GUCY2C: variants seen among roughly 807,000 people sequenced by gnomAD.
GUCY2C encodes guanylyl cyclase C.
A neutral mutation model predicts 131.1 loss-of-function variants in GUCY2C; 118 were observed. The ratio of observed to expected loss-of-function variants is 0.90; its 90% CI spans 0.78 to 1.05. The LOEUF (loss-of-function observed/expected upper bound fraction) is 1.05, where lower values mean the gene tolerates loss of function less well. GUCY2C is among the 50% of genes least tolerant of loss of function. The pLI, the probability that GUCY2C is intolerant of heterozygous loss-of-function variation, is 0.00. For missense variants in GUCY2C, 1,161 were observed against 1,304.4 expected (o/e 0.89, Z 1.69); for synonymous variants, 452 against 457.8 (o/e 0.99, Z 0.16).
chr12:14,657,899 G>T (rs1947793827), intron 11 of GUCY2C, among the ~76,000 whole-genome samples: 1 of 152,150 alleles, frequency 6.6e-6, no homozygotes, highest in Non-Finnish European at 1.5e-5. Context: ...GCTTCCCAAA[G>T]CAGTAGTTAT....
chr12:14,674,112 A>T (rs1454639415), intron 8 of GUCY2C, among the ~76,000 whole-genome samples: 2 of 152,236 alleles, frequency 1.3e-5, no homozygotes, highest in East Asian at 3.8e-4. Context: ...GATCTGGGAA[A>T]CGAAAGATGG....
At chr12:14,684,609 C>CTT in intron 3 of GUCY2C, among the ~76,000 whole-genome samples, 1 of 9,654 alleles carries the variant, frequency 1.0e-4, no homozygotes, top group African/African-American at 4.1e-4. Context: ...TCCTTCCTTC[C>CTT]TTCCTTCCTT....
chr12:14,642,787 A>T (rs1378721565), intron 17 of GUCY2C, among the ~76,000 whole-genome samples: 2 of 152,182 alleles, frequency 1.3e-5, no homozygotes, highest in Non-Finnish European at 2.9e-5. Flanking sequence ...TTCAATAAGA[A>T]ATTATTAGAT....
At chr12:14,665,218 GA>G (rs550017739) in intron 10 of GUCY2C, among the ~76,000 whole-genome samples, 4,878 of 85,458 alleles carry the variant, frequency 0.057, 145 homozygotes, top group African/African-American at 0.12. Context: ...TCCGTCTCAG[GA>G]AAAAAAAAAA....
At position 14,683,275 on chromosome 12, in the gene GUCY2C, G is replaced by A. The variant is rs749332294; in HGVS notation, c.396-18C>T. 27 of 1,541,744 alleles carry A rather than the reference G, an allele frequency of 1.8e-5. No individual in the cohort carries two copies. Among genetic ancestry groups the A allele is most frequent in the Non-Finnish European group, 2.2e-5 (25 of 1,116,600 alleles). ...TGTCAAGGCTATGTCAAGAGGTTGA[G>A]GAAAAAAGCCATTATCAGTATTAAC... On this transcript the variant is annotated intron_variant, in intron 3 of 26. Coordinates refer to ENST00000261170, the MANE Select transcript of GUCY2C (RefSeq NM_004963.4).
intron 25 of GUCY2C, among the ~76,000 whole-genome samples, chr12:14,615,259 G>T (rs1462332574): frequency 6.6e-6 from 1 of 152,002 alleles, no homozygotes; most frequent in African/African-American, 2.4e-5. Context: ...AACTTAAAAA[G>T]GAAGAAAATT....
chr12:14,643,490 A>G, intron 17 of GUCY2C, 84 bp downstream of exon 17: 3 of 1,203,722 alleles, frequency 2.5e-6, no homozygotes, highest in Non-Finnish European at 3.6e-6. Context: ...TCTTCTGATC[A>G]GTATTACAAT....
intron 19 of GUCY2C, among the ~76,000 whole-genome samples, chr12:14,630,763 GT>G (rs1279092437): frequency 6.6e-6 from 1 of 152,154 alleles, no homozygotes; most frequent in East Asian, 1.9e-4. Flanking sequence ...GAGTGATCTA[GT>G]TTCGACTCTG....
intron 21 of GUCY2C, among the ~76,000 whole-genome samples, chr12:14,625,137 G>A (rs534019809): frequency 2.0e-5 from 3 of 152,092 alleles, no homozygotes; most frequent in South Asian, 2.1e-4. Flanking sequence ...GCTGTGATCC[G>A]CCTCCTAGTT....
Position 14,681,453 on chromosome 12 carries a change from G to C in GUCY2C, c.636C>G (p.Ser212Arg), listed in dbSNP as rs201882431. Residue 212 changes from serine to arginine, a missense_variant, in exon 5 of 27, where the codon AGC becomes AGG. Physicochemically the swap from Ser to Arg is moderately radical, Grantham distance 110. Coordinates refer to ENST00000261170, the MANE Select transcript of GUCY2C (RefSeq NM_004963.4). ...CGAGTTCGTGGGAGAAATAGGAAAC[G>C]CTAGCCTCCAGAGCATTAAGGTACC... ...CFWYLNALEASVSYFSHELGF... is the reference protein window; with the variant it reads ...CFWYLNALEARVSYFSHELGF... 2 of 1,610,432 alleles carry C rather than the reference G, an allele frequency of 1.2e-6. No homozygotes were observed.
Position 14,614,625 on chromosome 12 carries a change from G to C in GUCY2C, c.3047+242C>G, listed in dbSNP as rs58151259. On this transcript the variant is annotated intron_variant, in intron 26 of 26. Coordinates refer to ENST00000261170, the MANE Select transcript of GUCY2C (RefSeq NM_004963.4). ...TTCAGGGAAGCAAGTCTGTGTTCCA[G>C]ACAGGGAAGCCAAGGCTAAATACTT... 24,201 of 442,556 alleles carry C rather than the reference G, an allele frequency of 0.055. 3,846 individuals carry two copies. The highest frequency in any genetic ancestry group is 0.4 in the African/African-American group (18,826 of 47,472). The allele number at this position is 442,556 out of a possible 1,614,324, so 27.4% of individuals were successfully genotyped here. A position where few individuals can be genotyped will look rare whatever the true frequency, so the allele number is the denominator to read the frequency against.
chr12:14,653,083 T>A, intron 12 of GUCY2C, 69 bp from the exon 13 acceptor site: 4 of 1,120,072 alleles, frequency 3.6e-6, no homozygotes, highest in Non-Finnish European at 5.5e-6. Flanking sequence ...TGTCAAAGGC[T>A]GAGAGGCTCT....
intron 13 of GUCY2C, among the ~76,000 whole-genome samples, 155 bp from the exon 14 acceptor site, chr12:14,652,185 A>T (rs1380477627): frequency 1.3e-5 from 2 of 151,564 alleles, no homozygotes; most frequent in African/African-American, 4.8e-5. Context: ...TTATTTATTT[A>T]TTTTTTAAAG....
At chr12:14,625,657 T>G in intron 21 of GUCY2C, 100 bp downstream of exon 21, 1 of 1,240,304 alleles carries the variant, frequency 8.1e-7, no homozygotes, top group Non-Finnish European at 1.1e-6. Context: ...AAACCAATAA[T>G]CTACTGAAGA....
rs568108540 is a variant in GUCY2C at position 14,613,552 on chromosome 12, G to A, written c.3048-261C>T. ...TTGGAGGCATGGTTGGGAGGATCTA[G>A]GTTTACATATGCCACTGCAGGAAGG... On this transcript the variant is annotated intron_variant, in intron 26 of 26. Transcript: ENST00000261170. The surrounding 1 kb of genome is among the most constrained non-coding windows in gnomAD (Gnocchi z 4.9). Among the ~76,000 whole-genome samples, 3 of 152,244 alleles carry A rather than the reference G, an allele frequency of 2.0e-5. No individual in the cohort carries two copies. Among genetic ancestry groups the A allele is most frequent in the African/African-American group, 7.2e-5 (3 of 41,560 alleles).
chr12:14,627,313 C>T (rs929043451), intron 20 of GUCY2C, among the ~76,000 whole-genome samples: 11 of 152,116 alleles, frequency 7.2e-5, no homozygotes, highest in African/African-American at 2.4e-4. Context: ...TTTTTGTGCC[C>T]TACCCGAGAC....
rs11056078 is a variant in GUCY2C at position 14,645,149 on chromosome 12, T to C, written c.1797+80A>G. 2.5e-3 allele frequency: 1,911 copies of C among 768,568 alleles called. 22 individuals are homozygous for C. The highest frequency in any genetic ancestry group is 0.016 in the South Asian group (1,015 of 61,948). The allele number at this position is 768,568 out of a possible 1,614,324, so 47.6% of individuals were successfully genotyped here. A position where few individuals can be genotyped will look rare whatever the true frequency, so the allele number is the denominator to read the frequency against. ...ATCATTTTACAGATGAAGAAACCAA[T>C]GCACAGAAGGTTGAATAACTTGTTA... On this transcript the variant is annotated intron_variant, in intron 16 of 26. Coordinates refer to ENST00000261170, the MANE Select transcript of GUCY2C (RefSeq NM_004963.4).
At chr12:14,679,591 C>T in intron 6 of GUCY2C, 66 bp downstream of exon 6, 1 of 818,150 alleles carries the variant, frequency 1.2e-6, no homozygotes, top group Non-Finnish European at 2.2e-6. Flanking sequence ...GAGAATGTGC[C>T]TTCTGGAAAT....
chr12:14,672,897 C>A lies in GUCY2C; in HGVS notation c.1146G>T (p.Leu382=). 6.2e-7 allele frequency: 1 copy of A among 1,605,588 alleles called. No homozygotes were observed. Among genetic ancestry groups the A allele is most frequent in the Middle Eastern group, 1.7e-4 (1 of 6,044 alleles). ...WGDVDSTMVL[L]YTSVDTKKYK... is the part of the protein sequence containing the mutation. ...CTTTCTTGGTGTCCACAGAGGTATA[C>A]AGAAGCACCATGGTACTGTCAACAT... Residue 382 remains leucine, a synonymous_variant, in exon 9 of 27, where the codon CTG becomes CTT. Coordinates refer to ENST00000261170, the MANE Select transcript of GUCY2C (RefSeq NM_004963.4).
Sources: allele counts gnomAD v4.1 joint callset (sites outside exome capture counted in the v4.1 genomes callset), GRCh38; gene constraint gnomAD v4.1.1; non-coding constraint Gnocchi (gnomAD v3.1); transcripts MANE v1.5; gene names NCBI Gene and HGNC (gene_info 2026-07-23, HGNC 2026-07-21).